Variants in EVI5 observed in about 807,000 individuals in gnomAD.
EVI5 encodes the protein ecotropic viral integration site 5 protein homolog.
EVI5 carries 73 observed loss-of-function variants against 112.0 expected under a neutral mutation model. The observed-to-expected ratio is 0.65, with a 90% CI of 0.54 to 0.79. The LOEUF (loss-of-function observed/expected upper bound fraction) is 0.79. Ranked by LOEUF, EVI5 falls within the 30% of genes least tolerant of loss-of-function variation. The probability of loss-of-function intolerance (pLI) is 0.00; values close to 1 mark genes in which losing one functional copy is unlikely to be tolerated. For missense variants in EVI5, 900 were observed against 968.8 expected (o/e 0.93, Z 0.94); for synonymous variants, 305 against 319.9 (o/e 0.95, Z 0.50).
intron 14 of EVI5, among the ~76,000 whole-genome samples, chr1:92,627,166 C>G (rs954045393): frequency 3.3e-5 from 5 of 152,132 alleles, no homozygotes; most frequent in African/African-American, 1.2e-4. Context: ...CACTCCCCTC[C>G]CACTCTTCCC....
At chr1:92,664,171 A>T (rs1664489125) in intron 11 of EVI5, among the ~76,000 whole-genome samples, 1 of 152,232 alleles carries the variant, frequency 6.6e-6, no homozygotes, top group Admixed American at 6.5e-5. Flanking sequence ...GTGTGACAGC[A>T]ATTTGTGCAA....
At chr1:92,543,408 C>T (rs568551166) in intron 19 of EVI5, among the ~76,000 whole-genome samples, 1 of 152,352 alleles carries the variant, frequency 6.6e-6, no homozygotes, top group South Asian at 2.1e-4. Flanking sequence ...TGGCCTTGCA[C>T]TGGATTAGGC....
intron 2 of EVI5, among the ~76,000 whole-genome samples, chr1:92,719,322 G>A (rs190160596): frequency 2.0e-5 from 3 of 152,106 alleles, no homozygotes; most frequent in Admixed American, 1.3e-4. Context: ...ACCGAATCCA[G>A]CAGCACATCA....
intron 18 of EVI5, among the ~76,000 whole-genome samples, chr1:92,571,192 T>TGC (rs1670277368): frequency 6.8e-6 from 1 of 148,062 alleles, no homozygotes; most frequent in Admixed American, 6.9e-5. Flanking sequence ...CATAAACACA[T>TGC]GCACACACAC....
chr1:92,573,381 C>A (rs564613167), intron 18 of EVI5, among the ~76,000 whole-genome samples: 2 of 152,134 alleles, frequency 1.3e-5, no homozygotes, highest in South Asian at 4.1e-4. Context: ...ATTCAAAATT[C>A]TATGTATATG....
At chr1:92,671,628 C>A (rs1236042043) in intron 10 of EVI5, among the ~76,000 whole-genome samples, 2 of 152,104 alleles carry the variant, frequency 1.3e-5, no homozygotes, top group Non-Finnish European at 2.9e-5. Flanking sequence ...CCCACTAAAC[C>A]AAATCCTTCT....
chr1:92,630,022 A>G (rs1656621725), intron 14 of EVI5, among the ~76,000 whole-genome samples: 1 of 152,168 alleles, frequency 6.6e-6, no homozygotes, highest in South Asian at 2.1e-4. Context: ...GCTGCATAGT[A>G]TTCCATGGTG....
Position 92,508,931 on chromosome 1 carries a change from T to A in EVI5, c.*4725A>T, listed in dbSNP as rs1659023963. The A allele has an allele frequency of 6.6e-6, 1 of 152,224 alleles. No individual in the cohort carries two copies. Among genetic ancestry groups the A allele is most frequent in the South Asian group, 2.1e-4 (1 of 4,834 alleles). The allele number at this position is 152,224 out of a possible 1,614,324, so 9.4% of individuals were successfully genotyped here. ...CTTGGATCATAAATAGCATCCACTATACCTTTAACCAGAAATTAAACTTCA... is the reference window on the plus strand; with the variant it reads ...CTTGGATCATAAATAGCATCCACTAAACCTTTAACCAGAAATTAAACTTCA... On this transcript the variant is annotated 3_prime_UTR_variant, in exon 20 of 20. Transcript: ENST00000684568.
rs139937634 is a variant in EVI5, at chr1:92,714,438, T to C, written c.150-9694A>G. Among the ~76,000 whole-genome samples the C allele has an allele frequency of 1.1e-3, 160 of 152,344 alleles. 1 individual carries two copies. The highest frequency in any genetic ancestry group is 3.7e-3 in the African/African-American group (154 of 41,580). On this transcript the variant is annotated intron_variant, in intron 2 of 19. Transcript: ENST00000684568. ...TGTATCTCATAATTTTTACTTTAGA[T>C]ATATAACTTACATATCTATATTACA...
At chr1:92,738,666 C>T (rs554829039) in intron 1 of EVI5, among the ~76,000 whole-genome samples, 1 of 152,234 alleles carries the variant, frequency 6.6e-6, no homozygotes, top group South Asian at 2.1e-4. Flanking sequence ...CCTATAACTA[C>T]TAAAGACTGA....
At position 92,513,841 on chromosome 1, in the gene EVI5, A is replaced by C; in HGVS notation, c.2296T>G (p.Leu766Val). The change falls in exon 20 of 20, where the codon TTA (leucine) becomes GTA (valine). Residue 766 changes from leucine to valine, a missense_variant. By Grantham distance (32) the Leu-to-Val change is conservative (BLOSUM62 1). Transcript: ENST00000684568. ...GGAAAACCAACACCAGTTTCCTGTA[A>C]GGAATTATCTATAAAATCTTCATCG... ...SSDEDFIDNSLQETGVGFPLH... is the reference protein window; with the variant it reads ...SSDEDFIDNSVQETGVGFPLH... 2 of 1,613,884 alleles carry C rather than the reference A, an allele frequency of 1.2e-6. No individual in the cohort carries two copies. Among genetic ancestry groups the C allele is most frequent in the Non-Finnish European group, 1.7e-6 (2 of 1,179,908 alleles).
At chr1:92,787,931 C>T (rs573987356), upstream of EVI5, among the ~76,000 whole-genome samples, 1 of 151,558 alleles carries the variant, frequency 6.6e-6, no homozygotes, top group Non-Finnish European at 1.5e-5. Flanking sequence ...AAATAAATGA[C>T]ACAAAAGAGT....
At chr1:92,702,818 A>G (rs1671412484) in intron 4 of EVI5, among the ~76,000 whole-genome samples, 1 of 152,076 alleles carries the variant, frequency 6.6e-6, no homozygotes, top group Non-Finnish European at 1.5e-5. Context: ...AAAAAAAAAA[A>G]AAAAATTCAA....
intron 19 of EVI5, among the ~76,000 whole-genome samples, chr1:92,517,112 T>A (rs1294646693): frequency 6.6e-6 from 1 of 152,208 alleles, no homozygotes; most frequent in African/African-American, 2.4e-5. Flanking sequence ...GTCGGATCTC[T>A]GTATCAGTGC....
intron 2 of EVI5, among the ~76,000 whole-genome samples, chr1:92,727,333 C>A (rs1675731241): frequency 1.3e-5 from 2 of 151,988 alleles, no homozygotes; most frequent in African/African-American, 4.8e-5. Flanking sequence ...TAAACTGTAC[C>A]CTTTAAAAGT....
At chr1:92,776,271 G>A (rs912765342) in intron 1 of EVI5, among the ~76,000 whole-genome samples, 3 of 151,952 alleles carry the variant, frequency 2.0e-5, no homozygotes, top group South Asian at 2.1e-4. Context: ...TAATTTAAAG[G>A]TGAATAAATT....
At chr1:92,785,148 C>T, upstream of EVI5, 1 of 981,388 alleles carries the variant, frequency 1.0e-6, no homozygotes, top group Non-Finnish European at 1.2e-6. Flanking sequence ...GACCCGGCAG[C>T]CTCTACCGCA....
chr1:92,652,282 C>A (rs1440557113), intron 13 of EVI5, among the ~76,000 whole-genome samples: 2 of 152,082 alleles, frequency 1.3e-5, no homozygotes, highest in African/African-American at 4.8e-5. Flanking sequence ...CTTAAATAAG[C>A]TACCCAGAAT....
At chr1:92,588,462 A>G (rs529101121) in intron 18 of EVI5, among the ~76,000 whole-genome samples, 7 of 152,350 alleles carry the variant, frequency 4.6e-5, no homozygotes, top group Admixed American at 1.3e-4. Flanking sequence ...TCTGATTCAA[A>G]TGTTTGTTTA....
Sources: allele counts gnomAD v4.1 joint callset (sites outside exome capture counted in the v4.1 genomes callset), GRCh38; gene constraint gnomAD v4.1.1; transcripts MANE v1.5; gene names NCBI Gene and HGNC (gene_info 2026-07-23, HGNC 2026-07-21).